The following CELF2 variants were observed in gnomAD, a reference collection of about 807,000 sequenced individuals.
CELF2 encodes CUG triplet repeat RNA-binding protein 2.
Under a neutral mutation model 62.6 loss-of-function variants are expected in CELF2, and 8 were observed. The observed-to-expected ratio is 0.13, with a 90% CI of 0.07 to 0.23. CELF2 has a LOEUF of 0.23. CELF2 is among the 10% of genes least tolerant of loss of function. The pLI, the probability that CELF2 is intolerant of heterozygous loss-of-function variation, is 1.00. For synonymous variants in CELF2, 258 were observed against 250.0 expected (o/e 1.03, Z -0.30); for missense variants, 333 against 671.0 (o/e 0.50, Z 5.56).
At chr10:11,199,207 A>G (rs1565247746) in intron 2 of CELF2, among the ~76,000 whole-genome samples, 1 of 152,240 alleles carries the variant, frequency 6.6e-6, no homozygotes, top group Non-Finnish European at 1.5e-5. Context: ...GAGACTTGTT[A>G]GAAGCCATTC....
chr10:10,951,236 TG>T (rs2048287412), intron 2 of CELF2, among the ~76,000 whole-genome samples: 1 of 152,088 alleles, frequency 6.6e-6, no homozygotes, highest in South Asian at 2.1e-4. Flanking sequence ...CTCGACCTTT[TG>T]GGCTCAAGCC....
chr10:10,664,417 C>T, the CELF2 span, among the ~76,000 whole-genome samples: 1 of 152,008 alleles, frequency 6.6e-6, no homozygotes, highest in African/African-American at 2.4e-5. Context: ...GGTGTTTTCA[C>T]CTGGAAAAGT....
intron 1 of CELF2, among the ~76,000 whole-genome samples, chr10:11,032,653 C>G (rs968188201): frequency 6.7e-6 from 1 of 150,184 alleles, no homozygotes; most frequent in South Asian, 2.1e-4. Context: ...AACTCACTTT[C>G]CAGGCCCCAG....
intron 1 of CELF2, among the ~76,000 whole-genome samples, chr10:11,095,054 GTCAA>G (rs761238498): frequency 1.8e-3 from 270 of 152,272 alleles, no homozygotes; most frequent in Non-Finnish European, 1.7e-3. Context: ...TATCATTCCT[GTCAA>G]TCATTCATCC....
rs1245518841 is a variant in CELF2, at chr10:11,220,722, T to G, written c.354+3215T>G. 6.6e-6 allele frequency among the ~76,000 whole-genome samples: 1 copy of G among 152,222 alleles called. No individual in the cohort carries two copies. The highest frequency in any genetic ancestry group is 1.9e-4 in the East Asian group (1 of 5,204). ...CAACAGCTCAACACAGAGCAAGGGA[T>G]GAGAGTCTGGGAGTCCTTCCCTTGG... On this transcript the variant is annotated intron_variant, in intron 3 of 12. Coordinates refer to ENST00000633077, the MANE Select transcript of CELF2 (RefSeq NM_001326342.2). The surrounding 1 kb of genome is among the most constrained non-coding windows in gnomAD (Gnocchi z 4.4).
chr10:10,753,084 T>C, the CELF2 span, among the ~76,000 whole-genome samples: 2 of 152,204 alleles, frequency 1.3e-5, no homozygotes, highest in Non-Finnish European at 2.9e-5. Flanking sequence ...AGACATAGAA[T>C]AAATAATTCT....
At chr10:10,560,948 T>C in the CELF2 span, among the ~76,000 whole-genome samples, 489 of 150,834 alleles carry the variant, frequency 3.2e-3, 2 homozygotes, top group African/African-American at 0.011. Flanking sequence ...TTCTCACTGA[T>C]ATGTGGGAGC....
At chr10:10,639,701 CT>C in the CELF2 span, among the ~76,000 whole-genome samples, 3 of 151,976 alleles carry the variant, frequency 2.0e-5, no homozygotes, top group African/African-American at 7.3e-5. Context: ...TTCGTGTAGG[CT>C]TTTATTGGGG....
intron 1 of CELF2, among the ~76,000 whole-genome samples, chr10:11,094,585 A>AG (rs1430941492): frequency 6.6e-6 from 1 of 152,174 alleles, no homozygotes; most frequent in African/African-American, 2.4e-5. Context: ...TTTCTTTGGA[A>AG]GGGGAAAAAA....
chr10:11,260,605 C>T lies in CELF2; in HGVS notation c.538+2733C>T, dbSNP rs1192264086. ...CAGTCTCATCAATATTTTATGCAAA[C>T]GCTGGCTCAGTGGAAAGAGGAGAAA... On this transcript the variant is annotated intron_variant, in intron 5 of 12. Transcript: ENST00000633077. This position sits in a 1 kb window ranked among gnomAD's most constrained non-coding sequence, Gnocchi z 4.2. Among the ~76,000 whole-genome samples the T allele has an allele frequency of 3.3e-5, 5 of 151,418 alleles. No individual in the cohort carries two copies. Among genetic ancestry groups the T allele is most frequent in the South Asian group, 4.2e-4 (2 of 4,782 alleles).
intron 3 of CELF2, among the ~76,000 whole-genome samples, chr10:11,245,749 G>A (rs2075400728): frequency 6.6e-6 from 1 of 152,214 alleles, no homozygotes. Context: ...GGAGTTGGGG[G>A]GAAGGGAAGA....
At chr10:10,574,873 T>G in the CELF2 span, among the ~76,000 whole-genome samples, 1 of 70,654 alleles carries the variant, frequency 1.4e-5, no homozygotes, top group African/African-American at 6.2e-5. Flanking sequence ...CCATGCCTGG[T>G]TTTTTTTTTT....
At chr10:10,659,622 C>G in the CELF2 span, among the ~76,000 whole-genome samples, 30 of 152,276 alleles carry the variant, frequency 2.0e-4, 1 homozygote, top group South Asian at 6.0e-3. Flanking sequence ...CTGGCCTCAC[C>G]TCCAGTTCCC....
intron 1 of CELF2, among the ~76,000 whole-genome samples, chr10:11,162,436 A>C (rs982413386): frequency 5.9e-5 from 9 of 152,188 alleles, no homozygotes; most frequent in Non-Finnish European, 1.3e-4. Context: ...ACTTGATGCA[A>C]ATCTTTGGAA....
intron 1 of CELF2, among the ~76,000 whole-genome samples, chr10:10,827,982 C>T (rs987265553): frequency 1.5e-5 from 2 of 130,818 alleles, no homozygotes; most frequent in African/African-American, 2.9e-5. Context: ...ACATCATACC[C>T]GTCAGGAAGG....
chr10:10,508,980 T>C, the CELF2 span, among the ~76,000 whole-genome samples: 5 of 152,110 alleles, frequency 3.3e-5, no homozygotes. Context: ...GGCCCAGATA[T>C]ATATTTTCAA....
chr10:11,117,821 A>C lies in CELF2; in HGVS notation c.75-47665A>C, dbSNP rs901537524. ...GGATTCATCTGAGCTTCTGGTTCTG[A>C]TCTTGTAAAAGCTAACTCATGCATG... On this transcript the variant is annotated intron_variant, in intron 1 of 12. Coordinates refer to ENST00000633077, the MANE Select transcript of CELF2 (RefSeq NM_001326342.2). This position sits in a 1 kb window ranked among gnomAD's most constrained non-coding sequence, Gnocchi z 4.1. Among the ~76,000 whole-genome samples the C allele has an allele frequency of 1.3e-5, 2 of 152,062 alleles. No homozygotes were observed. The highest frequency in any genetic ancestry group is 4.8e-5 in the African/African-American group (2 of 41,386).
chr10:11,231,158 C>G (rs2136378488), intron 3 of CELF2, among the ~76,000 whole-genome samples: 1 of 152,298 alleles, frequency 6.6e-6, no homozygotes, highest in Non-Finnish European at 1.5e-5. Flanking sequence ...TGAGTGAGTT[C>G]TGAGTTCTTG....
intron 2 of CELF2, among the ~76,000 whole-genome samples, chr10:11,202,482 T>C (rs993954179): frequency 2.0e-5 from 3 of 152,144 alleles, no homozygotes; most frequent in African/African-American, 7.2e-5. Context: ...ATTTGGATCC[T>C]AGACTGCCCT....
Sources: allele counts gnomAD v4.1 joint callset (sites outside exome capture counted in the v4.1 genomes callset), GRCh38; gene constraint gnomAD v4.1.1; non-coding constraint Gnocchi (gnomAD v3.1); transcripts MANE v1.5; gene names NCBI Gene and HGNC (gene_info 2026-07-23, HGNC 2026-07-21).